The following SULT1C2 variants were observed in gnomAD, a reference collection of about 807,000 sequenced individuals.
The protein encoded by SULT1C2 is sulfotransferase 1C2.
A neutral mutation model predicts 36.0 loss-of-function variants in SULT1C2; 27 were observed. That is an observed-to-expected ratio of 0.75 (90% CI 0.55 to 1.03). The LOEUF is 1.03. Among genes scored for constraint, SULT1C2 ranks in the 50% least tolerant of loss-of-function variants. The pLI, the probability that SULT1C2 is intolerant of heterozygous loss-of-function variation, is 0.00. For synonymous variants in SULT1C2, 121 were observed against 116.0 expected, an observed-to-expected ratio of 1.04 and a Z score of -0.27; for missense variants, 395 against 359.2, an observed-to-expected ratio of 1.10 and a Z score of -0.80.
chr2:108,292,076 C>T (rs1167982789), intron 1 of SULT1C2, among the ~76,000 whole-genome samples: 1 of 152,180 alleles, frequency 6.6e-6, no homozygotes. Context: ...CATGAAGCAG[C>T]TGGGCCAGAT....
intron 1 of SULT1C2, among the ~76,000 whole-genome samples, chr2:108,291,970 T>C (rs1402477122): frequency 6.6e-6 from 1 of 152,176 alleles, no homozygotes; most frequent in Admixed American, 6.5e-5. Flanking sequence ...TTTCCAAAAA[T>C]TGTCTTCATC....
chr2:108,290,819 C>T (rs1232615904), intron 1 of SULT1C2, among the ~76,000 whole-genome samples: 1 of 152,210 alleles, frequency 6.6e-6, no homozygotes, highest in Non-Finnish European at 1.5e-5. Context: ...GGACTAACCA[C>T]ATCCAAACCA....
At chr2:108,296,634 G>GGTATTATTTTAT (rs1676737192) in intron 3 of SULT1C2, among the ~76,000 whole-genome samples, 1 of 151,998 alleles carries the variant, frequency 6.6e-6, no homozygotes, top group African/African-American at 2.4e-5. Flanking sequence ...GGTATTTTTA[G>GGTATTATTTTAT]TACAGTCAGG....
chr2:108,300,909 C>T lies in SULT1C2; in HGVS notation c.349C>T (p.Pro117Ser), dbSNP rs759508058. Residue 117 changes from proline to serine, a missense_variant, in exon 4 of 8, where the codon CCG becomes TCG. Coordinates refer to ENST00000251481, the MANE Select transcript of SULT1C2 (RefSeq NM_001056.4). The stretch of plus-strand genomic sequence containing the variant: ...TCACCTTTCCACTCAGCTGCTGCCA[C>T]CGTCTTTCTGGGAAAACAACTGCAA... ...KTHLSTQLLP[P>S]SFWENNCKFL... 36 of 1,614,196 alleles carry T rather than the reference C, an allele frequency of 2.2e-5. 1 individual carries two copies. The South Asian group carries it at 3.7e-4, about 17-fold the overall frequency.
intron 1 of SULT1C2, among the ~76,000 whole-genome samples, chr2:108,292,437 CACACAA>C (rs1676616417): frequency 7.7e-6 from 1 of 130,456 alleles, no homozygotes; most frequent in African/African-American, 2.8e-5. Context: ...CACACACACA[CACACAA>C]TGCAAAACTG....
At chr2:108,306,690 G>A (rs145002731) in intron 7 of SULT1C2, among the ~76,000 whole-genome samples, 4 of 152,188 alleles carry the variant, frequency 2.6e-5, no homozygotes, top group East Asian at 3.9e-4. Context: ...GGCAGATCAC[G>A]AGGTCAAGAG....
At chr2:108,297,977 C>T (rs1676777957) in intron 3 of SULT1C2, among the ~76,000 whole-genome samples, 1 of 152,152 alleles carries the variant, frequency 6.6e-6, no homozygotes, top group East Asian at 1.9e-4. Context: ...AAGACTGGGT[C>T]TCTTTTAGGC....
At chr2:108,304,549 AC>A in intron 4 of SULT1C2, 24 bp from the exon 5 acceptor site, 1 of 1,581,802 alleles carries the variant, frequency 6.3e-7, no homozygotes, top group Non-Finnish European at 8.6e-7. Flanking sequence ...ACCATCTTTT[AC>A]CCACCTCTTT....
intron 3 of SULT1C2, chr2:108,299,170 A>T (rs1291641910): frequency 6.6e-6 from 1 of 152,324 alleles, no homozygotes; most frequent in Non-Finnish European, 1.5e-5. Context: ...TTCCCTGAGC[A>T]GAGGTCACTG....
chr2:108,306,833 G>T (rs529280132), intron 7 of SULT1C2, among the ~76,000 whole-genome samples: 7 of 152,162 alleles, frequency 4.6e-5, no homozygotes, highest in Admixed American at 4.6e-4. Flanking sequence ...TTGAACCCAG[G>T]AGGCAGAGGT....
chr2:108,305,360 AG>A, intron 6 of SULT1C2, 54 bp from the exon 7 acceptor site: 1 of 1,609,098 alleles, frequency 6.2e-7, no homozygotes, highest in Non-Finnish European at 8.5e-7. Flanking sequence ...AGAGAATTGT[AG>A]TATTTCTTTA....
Position 108,305,258 on chromosome 2 carries a change from A to C in SULT1C2, c.589A>C (p.Ile197Leu). 1 of 1,614,116 alleles carries C rather than the reference A, an allele frequency of 6.2e-7. No homozygotes were observed. The highest frequency in any genetic ancestry group is 1.7e-5 in the Admixed American group (1 of 60,014). ...HQILFLFYEDIKRDPKHEIRK... is the reference protein window; with the variant it reads ...HQILFLFYEDLKRDPKHEIRK... The stretch of plus-strand genomic sequence containing the variant: ...GATTCTCTTCCTCTTCTATGAGGAC[A>C]TAAAGAGGGTGAGTGAAGGCTCTGC... Residue 197 changes from isoleucine (I) to leucine (L), a missense_variant, in exon 6 of 8, where the codon ATA becomes CTA. Ile to Leu is a conservative substitution (Grantham distance 5, BLOSUM62 2). Transcript: ENST00000251481.
At chr2:108,293,561 C>A in intron 1 of SULT1C2, 86 bp from the exon 2 acceptor site, 1 of 1,326,718 alleles carries the variant, frequency 7.5e-7, no homozygotes, top group Non-Finnish European at 1.0e-6. Flanking sequence ...GAACTGTACA[C>A]CTAACGATGG....
chr2:108,302,086 T>C (rs958787674), intron 4 of SULT1C2: 3 of 152,208 alleles, frequency 2.0e-5, no homozygotes, highest in Non-Finnish European at 4.4e-5. Context: ...TTCCTTTTAA[T>C]GCATAACTGA....
At chr2:108,306,766 C>T (rs778737092) in intron 7 of SULT1C2, among the ~76,000 whole-genome samples, 37 of 151,710 alleles carry the variant, frequency 2.4e-4, no homozygotes, top group Admixed American at 7.2e-4. Context: ...ATTAGCTGGG[C>T]GTGGTGGTGC....
At chr2:108,298,039 G>A (rs995999064) in intron 3 of SULT1C2, among the ~76,000 whole-genome samples, 4 of 152,170 alleles carry the variant, frequency 2.6e-5, no homozygotes, top group Non-Finnish European at 5.9e-5. Flanking sequence ...TAGGAAAGAG[G>A]AGAGCCGCGA....
chr2:108,302,209 T>C (rs1054319472), intron 4 of SULT1C2: 2 of 151,972 alleles, frequency 1.3e-5, no homozygotes, highest in Non-Finnish European at 2.9e-5. Flanking sequence ...AATCCAGCAA[T>C]TTAAGTTTTA....
intron 7 of SULT1C2, among the ~76,000 whole-genome samples, chr2:108,305,984 T>C (rs1404767002): frequency 1.3e-5 from 2 of 152,186 alleles, no homozygotes; most frequent in Non-Finnish European, 2.9e-5. Context: ...GCTCCAAAGC[T>C]CCACCACTTA....
chr2:108,297,004 A>G (rs1234680375), intron 3 of SULT1C2, among the ~76,000 whole-genome samples: 1 of 152,180 alleles, frequency 6.6e-6, no homozygotes, highest in Non-Finnish European at 1.5e-5. Flanking sequence ...AAGGGATTAC[A>G]TCTGTGACCC....
Sources: allele counts gnomAD v4.1 joint callset (sites outside exome capture counted in the v4.1 genomes callset), GRCh38; gene constraint gnomAD v4.1.1; transcripts MANE v1.5; gene names NCBI Gene and HGNC (gene_info 2026-07-23, HGNC 2026-07-21).